VPS8: variants seen among roughly 807,000 people sequenced by gnomAD.
The protein encoded by VPS8 is vacuolar protein sorting-associated protein 8 homolog.
VPS8 carries 129 observed loss-of-function variants against 216.4 expected under a neutral mutation model. That is an observed-to-expected ratio of 0.60 (90% CI 0.52 to 0.69). The LOEUF is 0.69. Among genes scored for constraint, VPS8 ranks in the 30% least tolerant of loss-of-function variants. The pLI, the probability that VPS8 is intolerant of heterozygous loss-of-function variation, is 0.00. For synonymous variants in VPS8, 571 were observed against 565.4 expected, an observed-to-expected ratio of 1.01 and a Z score of -0.14; for missense variants, 1,531 against 1,683.5, an observed-to-expected ratio of 0.91 and a Z score of 1.59.
chr3:184,921,953 C>T (rs563545042), intron 29 of VPS8, among the ~76,000 whole-genome samples: 3 of 152,276 alleles, frequency 2.0e-5, no homozygotes, highest in African/African-American at 7.2e-5. Flanking sequence ...AACTGTTGAA[C>T]ATCCAAGATC....
chr3:185,000,363 C>G (rs1753232258), intron 45 of VPS8, among the ~76,000 whole-genome samples: 1 of 152,086 alleles, frequency 6.6e-6, no homozygotes, highest in Non-Finnish European at 1.5e-5. Context: ...GACAGTGGAG[C>G]AGAGTTTGAA....
chr3:184,988,679 T>C (rs1197343622), intron 42 of VPS8, among the ~76,000 whole-genome samples: 1 of 152,212 alleles, frequency 6.6e-6, no homozygotes, highest in Non-Finnish European at 1.5e-5. Context: ...GGTTTGTTGA[T>C]ATCTACAAAG....
At chr3:185,004,175 T>A (rs1329242117) in intron 45 of VPS8, among the ~76,000 whole-genome samples, 1 of 151,872 alleles carries the variant, frequency 6.6e-6, no homozygotes, top group African/African-American at 2.4e-5. Context: ...GCCACTGCAC[T>A]CCAGCCTGGG....
chr3:185,051,996 C>T lies in VPS8; in HGVS notation c.4258C>T (p.Leu1420Phe). ...CCAGAATGAGAACTTCCAGCTGCAG[C>T]TCATTCCTCCACCTGTGACTGAGGA... ...IFQNENFQLQ[L>F]IPPPVTED Residue 1420 changes from leucine (L) to phenylalanine (F), a missense_variant, in exon 48 of 48, where the codon CTC becomes TTC. Leu to Phe is a conservative substitution (Grantham distance 22). Transcript: ENST00000625842. 6.2e-7 allele frequency: 1 copy of T among 1,613,184 alleles called. No homozygotes were observed. Among genetic ancestry groups the T allele is most frequent in the Non-Finnish European group, 8.5e-7 (1 of 1,179,596 alleles).
intron 22 of VPS8, among the ~76,000 whole-genome samples, chr3:184,892,280 G>C (rs751453770): frequency 2.0e-5 from 3 of 152,072 alleles, no homozygotes; most frequent in Non-Finnish European, 4.4e-5. Context: ...GGCTGGAGTC[G>C]ATCTCGGCTC....
At chr3:184,900,188 G>A (rs1734222660) in intron 24 of VPS8, among the ~76,000 whole-genome samples, 1 of 152,130 alleles carries the variant, frequency 6.6e-6, no homozygotes, top group African/African-American at 2.4e-5. Context: ...AATGGTGGGA[G>A]GTACAGGGAA....
intron 30 of VPS8, among the ~76,000 whole-genome samples, chr3:184,926,319 G>A (rs557755432): frequency 5.3e-5 from 8 of 151,884 alleles, no homozygotes; most frequent in Admixed American, 5.2e-4. Flanking sequence ...AGAGCTTGCA[G>A]TGAACTGAGA....
intron 25 of VPS8, among the ~76,000 whole-genome samples, chr3:184,905,842 T>G (rs887268635): frequency 9.3e-5 from 14 of 150,972 alleles, no homozygotes; most frequent in Non-Finnish European, 1.8e-4. Context: ...AATGAAGAGG[T>G]TTTTTTTTAA....
At chr3:184,951,830 C>G (rs894788392) in intron 36 of VPS8, among the ~76,000 whole-genome samples, 1 of 152,182 alleles carries the variant, frequency 6.6e-6, no homozygotes, top group Non-Finnish European at 1.5e-5. Context: ...CATTAATGCT[C>G]CAGCTAATTT....
chr3:184,892,624 G>C (rs1053787035), intron 22 of VPS8, among the ~76,000 whole-genome samples: 1 of 152,134 alleles, frequency 6.6e-6, no homozygotes, highest in Admixed American at 6.5e-5. Flanking sequence ...TTATTTTAAG[G>C]TAGAGATGCA....
intron 36 of VPS8, among the ~76,000 whole-genome samples, chr3:184,942,634 A>G (rs927849314): frequency 6.6e-6 from 1 of 152,196 alleles, no homozygotes; most frequent in African/African-American, 2.4e-5. Flanking sequence ...CAAAGTATCA[A>G]AGACCGCGTG....
chr3:184,919,352 C>G (rs1738202132), intron 28 of VPS8, among the ~76,000 whole-genome samples: 1 of 152,282 alleles, frequency 6.6e-6, no homozygotes, highest in Admixed American at 6.5e-5. Context: ...ACCATAGGAA[C>G]TATCTTTAAG....
Position 184,824,605 on chromosome 3 carries a change from G to T in VPS8, c.-28G>T. The T allele has an allele frequency of 6.3e-7, 1 of 1,597,298 alleles. No homozygotes were observed. On this transcript the variant is annotated 5_prime_UTR_variant, in exon 2 of 48. It removes an upstream start codon present in the reference 5' UTR. Coordinates refer to ENST00000625842, the MANE Select transcript of VPS8 (RefSeq NM_001009921.3). The stretch of plus-strand genomic sequence containing the variant: ...ACAAACAAAAAACACTTGCTTTGAT[G>T]GACTGAATACTGTTATTAGAAGTAA...
intron 43 of VPS8, 68 bp from the exon 44 acceptor site, chr3:184,996,264 T>A: frequency 6.8e-7 from 1 of 1,476,894 alleles, no homozygotes; most frequent in Non-Finnish European, 9.0e-7. Context: ...CTATTCACCA[T>A]TCATCTCCTC....
At chr3:184,969,642 C>G (rs1033129891) in intron 39 of VPS8, among the ~76,000 whole-genome samples, 4 of 150,446 alleles carry the variant, frequency 2.7e-5, no homozygotes, top group African/African-American at 9.8e-5. Flanking sequence ...GTTGGCCAGG[C>G]TGGTCTCGAA....
At chr3:185,035,352 A>G (rs933043380) in intron 46 of VPS8, among the ~76,000 whole-genome samples, 7 of 152,146 alleles carry the variant, frequency 4.6e-5, no homozygotes, top group Non-Finnish European at 8.8e-5. Context: ...AGATGCAAAA[A>G]TCCTCAACAA....
At chr3:185,051,241 C>T (rs1208934045) in intron 47 of VPS8, among the ~76,000 whole-genome samples, 1 of 152,142 alleles carries the variant, frequency 6.6e-6, no homozygotes, top group Non-Finnish European at 1.5e-5. Context: ...AATTGAGCCA[C>T]TGACAGAACG....
chr3:184,943,239 A>C (rs1399427946), intron 36 of VPS8, among the ~76,000 whole-genome samples: 2 of 152,234 alleles, frequency 1.3e-5, no homozygotes, highest in Non-Finnish European at 2.9e-5. Context: ...ACAATGAGAA[A>C]TATATAAATG....
At chr3:184,982,762 C>T (rs1750426319) in intron 41 of VPS8, 115 bp downstream of exon 41, 1 of 886,362 alleles carries the variant, frequency 1.1e-6, no homozygotes. Context: ...ATGATTTTTC[C>T]TTAATGAAAC....
Sources: gnomAD v4.1 joint callset for allele counts (sites outside exome capture counted in the v4.1 genomes callset) on GRCh38, gnomAD v4.1.1 for gene constraint, MANE v1.5 for transcripts, NCBI Gene and HGNC (gene_info 2026-07-23, HGNC 2026-07-21) for gene names.